The following MRPS6 variants were observed in gnomAD, a reference collection of about 807,000 sequenced individuals.
MRPS6 encodes mitochondrial ribosomal protein S6.
MRPS6 carries 6 observed loss-of-function variants against 13.1 expected under a neutral mutation model. That is an observed-to-expected ratio of 0.46 (90% CI 0.25 to 0.91). The LOEUF (loss-of-function observed/expected upper bound fraction) is 0.91. Among genes scored for constraint, MRPS6 ranks in the 40% least tolerant of loss-of-function variants. The pLI is 0.18. For synonymous variants in MRPS6, 61 were observed against 56.5 expected, an observed-to-expected ratio of 1.08 and a Z score of -0.36; for missense variants, 164 against 155.6, an observed-to-expected ratio of 1.05 and a Z score of -0.29.
rs765500270 is a variant in MRPS6 at position 34,125,468 on chromosome 21, A to G, written c.173A>G (p.His58Arg). The G allele has an allele frequency of 6.2e-7, 1 of 1,613,734 alleles. No homozygotes were observed. The change falls in exon 2 of 3, where the codon CAC becomes CGC. Residue 58 changes from histidine to arginine, a missense_variant. By Grantham distance (29) the His-to-Arg change is conservative. Coordinates refer to ENST00000399312, the MANE Select transcript of MRPS6 (RefSeq NM_032476.4). ...PYRISAHSQQ[H>R]NRGGYFLVDF... ...AGGATCTCTGCCCACAGTCAGCAGC[A>G]CAACAGAGGCGGGTAAGTTTCTTCA...
intron 1 of MRPS6, chr21:34,106,004 A>G: frequency 1.0e-6 from 1 of 995,772 alleles, no homozygotes; most frequent in Admixed American, 6.1e-5. Flanking sequence ...TTGTTTAAAA[A>G]ATGAAAAAAG....
chr21:34,141,111 G>C (rs1208230823), intron 2 of MRPS6, among the ~76,000 whole-genome samples: 1 of 152,158 alleles, frequency 6.6e-6, no homozygotes, highest in African/African-American at 2.4e-5. Flanking sequence ...CCAGCTTCCT[G>C]TGAGAGCTCC....
chr21:34,112,861 A>G (rs1330962190), intron 1 of MRPS6, among the ~76,000 whole-genome samples: 1 of 152,066 alleles, frequency 6.6e-6, no homozygotes, highest in African/African-American at 2.4e-5. Context: ...GAGAAACACA[A>G]AACCACTGAG....
chr21:34,121,447 A>G (rs978601293), intron 1 of MRPS6, among the ~76,000 whole-genome samples: 5 of 152,168 alleles, frequency 3.3e-5, no homozygotes, highest in African/African-American at 1.2e-4. Flanking sequence ...GACTAGAATC[A>G]TAGTCCTAGT....
At position 34,096,649 on chromosome 21, in the gene MRPS6, G is replaced by GT; in HGVS notation, c.45+22907dup. On this transcript the variant is annotated intron_variant, in intron 1 of 2. Coordinates refer to ENST00000399312, the MANE Select transcript of MRPS6 (RefSeq NM_032476.4). This position sits in a 1 kb window ranked among gnomAD's most constrained non-coding sequence, Gnocchi z 5.9. ...GCTGGCTTTGTTCTTGGAGCAGTCC[G>GT]TTTGATACTGGCCTTTGCCTACCGT... The GT allele has an allele frequency of 6.2e-7, 1 of 1,614,130 alleles. No homozygotes were observed. Among genetic ancestry groups the GT allele is most frequent in the Non-Finnish European group, 8.5e-7 (1 of 1,180,006 alleles).
At chr21:34,135,600 C>A in intron 2 of MRPS6, 1 of 416,392 alleles carries the variant, frequency 2.4e-6, no homozygotes, top group South Asian at 1.9e-5. Flanking sequence ...ACCAGGTGGT[C>A]TGATTCACAT....
chr21:34,111,855 T>G lies in MRPS6; in HGVS notation c.46-13486T>G, dbSNP rs867108020. On this transcript the variant is annotated intron_variant, in intron 1 of 2. Coordinates refer to ENST00000399312, the MANE Select transcript of MRPS6 (RefSeq NM_032476.4). ...CTTTTCAGAGTTGAGGTTTTTTTTTTTTTTTGTTGCTGTATTGTTCCCCAT... is the reference window on the plus strand; with the variant it reads ...CTTTTCAGAGTTGAGGTTTTTTTTTGTTTTTGTTGCTGTATTGTTCCCCAT... Among the ~76,000 whole-genome samples, 8 of 152,172 alleles carry G rather than the reference T, an allele frequency of 5.3e-5. 1 individual carries two copies. In the Middle Eastern group the frequency reaches 0.017, roughly 323 times the overall value.
chr21:34,107,643 A>G (rs970813260), intron 1 of MRPS6, among the ~76,000 whole-genome samples: 5 of 152,132 alleles, frequency 3.3e-5, no homozygotes, highest in African/African-American at 1.2e-4. Flanking sequence ...TGGGGAGGAT[A>G]CTGTACTCAA....
chr21:34,136,051 TG>T, intron 2 of MRPS6: 1 of 255,524 alleles, frequency 3.9e-6, no homozygotes, highest in South Asian at 5.9e-5. Context: ...CCACTGCTGG[TG>T]CTGTCTCCCA....
At chr21:34,116,490 T>C (rs1979915061) in intron 1 of MRPS6, among the ~76,000 whole-genome samples, 1 of 152,036 alleles carries the variant, frequency 6.6e-6, no homozygotes, top group African/African-American at 2.4e-5. Flanking sequence ...CATTGGGCAA[T>C]AAGATTTCCA....
At chr21:34,114,770 G>T (rs975468400) in intron 1 of MRPS6, among the ~76,000 whole-genome samples, 2 of 152,126 alleles carry the variant, frequency 1.3e-5, no homozygotes, top group African/African-American at 4.8e-5. Flanking sequence ...AGGAACAAAG[G>T]TACATTATTA....
rs11910813 is a variant in MRPS6 at position 34,134,961 on chromosome 21, C to T, written c.186-7447C>T. ...ATGCGTTTTCAACATAAAATATTTT[C>T]AATTTACGGGTTTATCGAAATGCGT... On this transcript the variant is annotated intron_variant, in intron 2 of 2. Transcript: ENST00000399312. 4.2e-3 allele frequency among the ~76,000 whole-genome samples: 633 copies of T among 152,286 alleles called. 7 individuals are homozygous for T. The highest frequency in any genetic ancestry group is 0.015 in the African/African-American group (619 of 41,548).
intron 1 of MRPS6, among the ~76,000 whole-genome samples, chr21:34,093,599 G>A (rs527757246): frequency 3.9e-4 from 59 of 152,148 alleles, no homozygotes; most frequent in African/African-American, 1.4e-3. Flanking sequence ...GAAAAAGCAT[G>A]GAAAAACATT....
chr21:34,103,177 C>T, intron 1 of MRPS6: 1 of 999,714 alleles, frequency 1.0e-6, no homozygotes, highest in Non-Finnish European at 1.2e-6. Flanking sequence ...ATAATATAAC[C>T]AGCTTTTGAA....
At chr21:34,101,078 G>A (rs1979215956) in intron 1 of MRPS6, 1 of 1,000,092 alleles carries the variant, frequency 1.0e-6, no homozygotes, top group Non-Finnish European at 1.2e-6. Context: ...GACCTTTCCT[G>A]TTAAATTACG....
At chr21:34,123,589 T>C (rs924044700) in intron 1 of MRPS6, 2 of 152,062 alleles carry the variant, frequency 1.3e-5, no homozygotes, top group African/African-American at 4.8e-5. Flanking sequence ...AATAAGACAC[T>C]AGACCATATA....
At chr21:34,105,086 T>C in intron 1 of MRPS6, 2 of 1,000,124 alleles carry the variant, frequency 2.0e-6, no homozygotes, top group Non-Finnish European at 2.4e-6. Flanking sequence ...ATGCAAAAGC[T>C]TTATTTTTTT....
rs1978975400 is a variant in MRPS6 at position 34,096,609 on chromosome 21, T to G, written c.45+22864T>G. 6.2e-7 allele frequency: 1 copy of G among 1,613,996 alleles called. No individual in the cohort carries two copies. Among genetic ancestry groups the G allele is most frequent in the African/African-American group, 1.3e-5 (1 of 74,896 alleles). ...GAAGCGCTGCAATGAACAAGGGGCT[T>G]TCTATGGTGGAATGGCTGGCTTTGT... On this transcript the variant is annotated intron_variant, in intron 1 of 2. Transcript: ENST00000399312. This position sits in a 1 kb window ranked among gnomAD's most constrained non-coding sequence, Gnocchi z 5.9.
chr21:34,078,884 A>T (rs527274471), intron 1 of MRPS6, among the ~76,000 whole-genome samples: 2 of 152,206 alleles, frequency 1.3e-5, no homozygotes, highest in African/African-American at 2.4e-5. Context: ...CAATATACTC[A>T]TGAGTTTATC....
Sources: gnomAD v4.1 joint callset for allele counts (sites outside exome capture counted in the v4.1 genomes callset) on GRCh38, gnomAD v4.1.1 for gene constraint, Gnocchi (gnomAD v3.1) non-coding constraint, MANE v1.5 for transcripts, NCBI Gene and HGNC (gene_info 2026-07-23, HGNC 2026-07-21) for gene names.